Variants in STK33 observed in about 807,000 individuals in gnomAD.
The protein encoded by STK33 is serine/threonine-protein kinase 33.
Under a neutral mutation model 58.0 loss-of-function variants are expected in STK33, and 52 were observed. The ratio of observed to expected loss-of-function variants is 0.90; its 90% CI spans 0.72 to 1.13. The LOEUF (loss-of-function observed/expected upper bound fraction) is 1.13. STK33 is among the 50% of genes most tolerant of loss of function. STK33 has a pLI of 0.00. For synonymous variants in STK33, 215 were observed against 200.1 expected (o/e 1.07, Z -0.63); for missense variants, 630 against 604.2 (o/e 1.04, Z -0.45).
intron 1 of STK33, among the ~76,000 whole-genome samples, chr11:8,489,578 T>C (rs1285692867): frequency 6.6e-6 from 1 of 152,162 alleles, no homozygotes; most frequent in Non-Finnish European, 1.5e-5. Flanking sequence ...CTCATCATTT[T>C]ATCAGGAGCC....
chr11:8,405,840 CTG>C (rs1358355580), intron 15 of STK33, among the ~76,000 whole-genome samples: 1 of 152,124 alleles, frequency 6.6e-6, no homozygotes, highest in Non-Finnish European at 1.5e-5. Context: ...TTTGAAATCT[CTG>C]TCAAAAATCA....
Position 8,537,758 on chromosome 11 carries a change from C to T in STK33, c.-466+56325G>A, listed in dbSNP as rs546515907. Among the ~76,000 whole-genome samples, 6 of 146,722 alleles carry T rather than the reference C, an allele frequency of 4.1e-5. No homozygotes were observed. In the East Asian group the frequency reaches 1.2e-3, roughly 29 times the overall value. On this transcript the variant is annotated intron_variant, in intron 1 of 15. Coordinates refer to ENST00000687296, the MANE Select transcript of STK33 (RefSeq NM_001352389.2). ...CAGGGAGGTGGAGGTTGCAGTGGGC[C>T]GAGATCATGCCACTGCACTCCAGCC...
At chr11:8,456,136 G>C (rs1946833898) in intron 9 of STK33, among the ~76,000 whole-genome samples, 1 of 152,174 alleles carries the variant, frequency 6.6e-6, no homozygotes, top group Non-Finnish European at 1.5e-5. Flanking sequence ...ATGTTGCTAA[G>C]ATTTTGTTTG....
At chr11:8,401,234 G>C (rs1047909968) in intron 15 of STK33, among the ~76,000 whole-genome samples, 9 of 152,282 alleles carry the variant, frequency 5.9e-5, no homozygotes, top group African/African-American at 1.7e-4. Context: ...CAAGGCTACA[G>C]TAACCAAAAC....
chr11:8,466,146 C>G (rs1948155044), intron 6 of STK33: 1 of 152,160 alleles, frequency 6.6e-6, no homozygotes, highest in Non-Finnish European at 1.5e-5. Context: ...TAGAGCCAAA[C>G]CATATCATTC....
intron 1 of STK33, among the ~76,000 whole-genome samples, chr11:8,525,094 G>A (rs1299023660): frequency 6.6e-6 from 1 of 152,038 alleles, no homozygotes; most frequent in Non-Finnish European, 1.5e-5. Flanking sequence ...AAAGCGTTTT[G>A]AATAATATAA....
intron 1 of STK33, among the ~76,000 whole-genome samples, chr11:8,512,822 T>C (rs921539165): frequency 6.6e-6 from 1 of 152,156 alleles, no homozygotes; most frequent in Admixed American, 6.6e-5. Flanking sequence ...ATTTTGACCT[T>C]GGCCTTCCTC....
chr11:8,452,797 A>C (rs755201318), intron 11 of STK33, 25 bp downstream of exon 11: 6 of 1,605,444 alleles, frequency 3.7e-6, no homozygotes, highest in Non-Finnish European at 5.1e-6. Flanking sequence ...CAAAACAAAA[A>C]TTAATTTTAA....
chr11:8,493,364 C>A (rs1042018786), intron 1 of STK33, among the ~76,000 whole-genome samples: 1 of 151,926 alleles, frequency 6.6e-6, no homozygotes, highest in Non-Finnish European at 1.5e-5. Context: ...TGATAAATTC[C>A]TGGACACATA....
chr11:8,573,769 G>A (rs1005919043), intron 1 of STK33, among the ~76,000 whole-genome samples: 1 of 152,202 alleles, frequency 6.6e-6, no homozygotes, highest in Non-Finnish European at 1.5e-5. Context: ...ATATGCAACA[G>A]ACTTTGATGA....
chr11:8,534,626 G>A (rs1224713688), intron 1 of STK33, among the ~76,000 whole-genome samples: 1 of 146,526 alleles, frequency 6.8e-6, no homozygotes, highest in East Asian at 2.1e-4. Flanking sequence ...TCATACTGAG[G>A]TGGTCTGGGT....
At chr11:8,504,887 A>C (rs531514557) in intron 1 of STK33, among the ~76,000 whole-genome samples, 3 of 152,336 alleles carry the variant, frequency 2.0e-5, no homozygotes, top group African/African-American at 7.2e-5. Context: ...ATCACTTCCT[A>C]ATCATTTCAT....
intron 15 of STK33, among the ~76,000 whole-genome samples, chr11:8,401,942 C>T (rs1195275115): frequency 1.1e-4 from 16 of 151,982 alleles, no homozygotes; most frequent in East Asian, 3.9e-4. Context: ...GTTAGAATGG[C>T]GATCATTAAA....
chr11:8,427,558 T>C (rs1942923320), intron 14 of STK33, among the ~76,000 whole-genome samples: 1 of 152,222 alleles, frequency 6.6e-6, no homozygotes, highest in African/African-American at 2.4e-5. Flanking sequence ...CCTTTTTATT[T>C]TTGTAATCTG....
At position 8,543,940 on chromosome 11, in the gene STK33, G is replaced by T. The variant is rs1193392186; in HGVS notation, c.-466+50143C>A. Among the ~76,000 whole-genome samples the T allele has an allele frequency of 2.6e-5, 4 of 152,146 alleles. No homozygotes were observed. The South Asian group carries it at 8.3e-4, about 32-fold the overall frequency. ...TGTGTGAGAAATGCAACTAGAAAAG[G>T]TTAAAATGCCCATGTGATTTTTTAA... is the stretch of plus-strand genomic sequence containing the variant. On this transcript the variant is annotated intron_variant, in intron 1 of 15. Transcript: ENST00000687296.
At chr11:8,496,535 C>A (rs1474276586) in intron 1 of STK33, among the ~76,000 whole-genome samples, 1 of 151,636 alleles carries the variant, frequency 6.6e-6, no homozygotes, top group African/African-American at 2.4e-5. Flanking sequence ...ATTGGACAAT[C>A]ATGTAAAAAT....
chr11:8,478,885 C>T (rs1025873979), intron 2 of STK33, among the ~76,000 whole-genome samples: 1 of 152,100 alleles, frequency 6.6e-6, no homozygotes, highest in African/African-American at 2.4e-5. Flanking sequence ...TTAAGGAAGA[C>T]TAGCACTTGT....
At chr11:8,354,028 C>A in the STK33 span, among the ~76,000 whole-genome samples, 1 of 152,164 alleles carries the variant, frequency 6.6e-6, no homozygotes, top group Non-Finnish European at 1.5e-5. Context: ...AAATCAGTTT[C>A]CCCTTCTGCA....
At chr11:8,579,580 T>C (rs1244650477) in intron 1 of STK33, among the ~76,000 whole-genome samples, 1 of 151,914 alleles carries the variant, frequency 6.6e-6, no homozygotes, top group East Asian at 1.9e-4. Context: ...AATAAATAAA[T>C]GAAATGAAAG....
Sources: gnomAD v4.1 joint callset for allele counts (sites outside exome capture counted in the v4.1 genomes callset) on GRCh38, gnomAD v4.1.1 for gene constraint, MANE v1.5 for transcripts, NCBI Gene and HGNC (gene_info 2026-07-23, HGNC 2026-07-21) for gene names.